RIN3: variants seen among roughly 807,000 people sequenced by gnomAD.
RIN3 encodes Ras and Rab interactor 3, also known as RAB5 interacting protein 3.
A neutral mutation model predicts 76.3 loss-of-function variants in RIN3; 54 were observed. The ratio of observed to expected loss-of-function variants is 0.71; its 90% CI spans 0.57 to 0.89. RIN3 has a LOEUF of 0.89. Among genes scored for constraint, RIN3 ranks in the 40% least tolerant of loss-of-function variants. RIN3 has a pLI of 0.00. For synonymous variants in RIN3, 576 were observed against 564.0 expected (o/e 1.02, Z -0.30); for missense variants, 1,256 against 1,322.1 (o/e 0.95, Z 0.78).
intron 5 of RIN3, among the ~76,000 whole-genome samples, chr14:92,647,554 A>G (rs1887244824): frequency 6.6e-6 from 1 of 152,184 alleles, no homozygotes; most frequent in Non-Finnish European, 1.5e-5. Context: ...TTTACATCAG[A>G]TGATGAGCAT....
intron 8 of RIN3, among the ~76,000 whole-genome samples, chr14:92,678,229 T>C (rs1457942102): frequency 7.6e-6 from 1 of 131,574 alleles, no homozygotes; most frequent in Non-Finnish European, 1.6e-5. Context: ...CACCCATCCA[T>C]CCATGCATCC....
intron 3 of RIN3, among the ~76,000 whole-genome samples, chr14:92,609,071 G>C (rs768676934): frequency 1.3e-5 from 2 of 151,984 alleles, no homozygotes; most frequent in Non-Finnish European, 2.9e-5. Context: ...CCCAAAGTCC[G>C]TTCTATCACT....
rs773491537 is a variant in RIN3 at position 92,652,137 on chromosome 14, C to A, written c.1088C>A (p.Ala363Glu). 5.0e-5 allele frequency: 80 copies of A among 1,607,960 alleles called. No individual in the cohort carries two copies. Among genetic ancestry groups the A allele is most frequent in the Non-Finnish European group, 6.5e-5 (77 of 1,178,718 alleles). Residue 363 changes from alanine (A) to glutamate (E), a missense_variant, in exon 6 of 10, where the codon GCA (alanine) becomes GAA (glutamate). Ala to Glu is a moderately radical substitution (Grantham distance 107). Coordinates refer to ENST00000216487, the MANE Select transcript of RIN3 (RefSeq NM_024832.5). This position sits in a 1 kb window ranked among gnomAD's most constrained non-coding sequence, Gnocchi z 6.4. ...PLREEAMKPG[A>E]ASSPLQQVPA... ...AGGGAGGAAGCGATGAAGCCAGGGG[C>A]AGCCTCCAGTCCCTTGCAGCAGGTC...
chr14:92,627,123 A>T (rs1357265633), intron 4 of RIN3, among the ~76,000 whole-genome samples: 1 of 152,140 alleles, frequency 6.6e-6, no homozygotes, highest in Non-Finnish European at 1.5e-5. Context: ...AGGGGATCTG[A>T]CTATCCCCGT....
At chr14:92,592,071 G>A (rs188905477) in intron 3 of RIN3, among the ~76,000 whole-genome samples, 2 of 152,222 alleles carry the variant, frequency 1.3e-5, no homozygotes, top group Admixed American at 1.3e-4. Flanking sequence ...AATAATACAA[G>A]GAATGGGAGG....
rs1310270588 is a variant in RIN3 at position 92,648,992 on chromosome 14, C to T, written c.533-2590C>T. ...CATGGCACGTGGAGGAAGGAGTGAA[C>T]GGCAGATAGAGTGGAGTGAAGACTC... On this transcript the variant is annotated intron_variant, in intron 5 of 9. Transcript: ENST00000216487. This position sits in a 1 kb window ranked among gnomAD's most constrained non-coding sequence, Gnocchi z 4.1. Among the ~76,000 whole-genome samples, 2 of 152,226 alleles carry T rather than the reference C, an allele frequency of 1.3e-5. No individual in the cohort carries two copies. The highest frequency in any genetic ancestry group is 2.1e-4 in the South Asian group (1 of 4,822).
intron 1 of RIN3, among the ~76,000 whole-genome samples, chr14:92,537,322 C>A (rs1814351232): frequency 6.6e-6 from 1 of 152,144 alleles, no homozygotes; most frequent in South Asian, 2.1e-4. Flanking sequence ...TGTCAGTACA[C>A]AGAAGGTATT....
chr14:92,527,832 A>C, intron 1 of RIN3, among the ~76,000 whole-genome samples: 1 of 152,136 alleles, frequency 6.6e-6, no homozygotes, highest in East Asian at 1.9e-4. Flanking sequence ...TCGAGAGTCC[A>C]TTCCTCTTTG....
intron 3 of RIN3, among the ~76,000 whole-genome samples, chr14:92,579,115 A>T (rs568830164): frequency 6.6e-6 from 1 of 151,994 alleles, no homozygotes; most frequent in South Asian, 2.1e-4. Flanking sequence ...TTTAGTAGAG[A>T]CGGAGTTTCT....
At chr14:92,644,189 C>A (rs1456033521) in intron 5 of RIN3, among the ~76,000 whole-genome samples, 1 of 152,234 alleles carries the variant, frequency 6.6e-6, no homozygotes. Context: ...TGCACCTCCC[C>A]ACCTTCTCTG....
chr14:92,576,398 T>G, intron 2 of RIN3: 1 of 1,289,794 alleles, frequency 7.8e-7, no homozygotes, highest in South Asian at 1.2e-5. Flanking sequence ...ATTTGGTTTC[T>G]AGAGCACAGC....
chr14:92,515,463 ACT>A (rs1023098211), intron 1 of RIN3: 2 of 508,670 alleles, frequency 3.9e-6, no homozygotes, highest in African/African-American at 3.9e-5. Flanking sequence ...GGTTATTTAA[ACT>A]CTCTGTATCT....
At position 92,590,573 on chromosome 14, in the gene RIN3, C is replaced by T. The variant is rs769091406; in HGVS notation, c.367+13096C>T. On this transcript the variant is annotated intron_variant, in intron 3 of 9. Coordinates refer to ENST00000216487, the MANE Select transcript of RIN3 (RefSeq NM_024832.5). Reference sequence around the variant, plus strand: ...CCAGAAGCTGAGCTGATACGAGCACCGTGCTTCCTGTAAAGCCTGCAGAAC... The same window carrying T: ...CCAGAAGCTGAGCTGATACGAGCACTGTGCTTCCTGTAAAGCCTGCAGAAC... Among the ~76,000 whole-genome samples, 55 of 152,302 alleles carry T rather than the reference C, an allele frequency of 3.6e-4. 1 individual carries two copies. The Middle Eastern group carries it at 0.014, about 38-fold the overall frequency.
intron 1 of RIN3, among the ~76,000 whole-genome samples, chr14:92,527,502 G>A (rs1202896185): frequency 6.6e-6 from 1 of 152,100 alleles, no homozygotes; most frequent in Non-Finnish European, 1.5e-5. Flanking sequence ...CTTTTGGGGG[G>A]ATGTGATGGG....
At chr14:92,566,492 G>A (rs1897919260) in intron 2 of RIN3, among the ~76,000 whole-genome samples, 1 of 152,204 alleles carries the variant, frequency 6.6e-6, no homozygotes, top group South Asian at 2.1e-4. Context: ...GGGGGTGAAT[G>A]GCCAAGGAGA....
At chr14:92,531,380 C>T (rs1404573760) in intron 1 of RIN3, among the ~76,000 whole-genome samples, 2 of 152,220 alleles carry the variant, frequency 1.3e-5, no homozygotes, top group Non-Finnish European at 2.9e-5. Flanking sequence ...TGAAAACTCA[C>T]CCACAGCGAC....
In RIN3 at chr14:92,652,258, G is replaced by A; in HGVS notation, c.1209G>A (p.Gly403=). The change falls in exon 6 of 10, where the codon GGG becomes GGA. Residue 403 remains glycine, a synonymous_variant. Transcript: ENST00000216487. The surrounding 1 kb of genome is among the most constrained non-coding windows in gnomAD (Gnocchi z 6.4). The stretch of plus-strand genomic sequence containing the variant: ...TGTCCTTAGAAGACCAAAGTCCGGG[G>A]ATGGCGGCAGAGGGGGACCAGCTCA... ...ERVSLEDQSP[G]MAAEGDQLSL... 2 of 1,611,208 alleles carry A rather than the reference G, an allele frequency of 1.2e-6. No individual in the cohort carries two copies. Among genetic ancestry groups the A allele is most frequent in the Non-Finnish European group, 8.5e-7 (1 of 1,178,134 alleles).
chr14:92,582,003 G>C (rs1332987478), intron 3 of RIN3, among the ~76,000 whole-genome samples: 1 of 152,182 alleles, frequency 6.6e-6, no homozygotes, highest in Non-Finnish European at 1.5e-5. Flanking sequence ...GGATGGTGGA[G>C]GACGAGGAAA....
At chr14:92,607,879 G>C (rs1885585066) in intron 3 of RIN3, among the ~76,000 whole-genome samples, 1 of 152,146 alleles carries the variant, frequency 6.6e-6, no homozygotes. Context: ...GAACAACTTG[G>C]ATGAACCTCA....
Sources: gnomAD v4.1 joint callset for allele counts (sites outside exome capture counted in the v4.1 genomes callset) on GRCh38, gnomAD v4.1.1 for gene constraint, Gnocchi (gnomAD v3.1) non-coding constraint, MANE v1.5 for transcripts, NCBI Gene and HGNC (gene_info 2026-07-23, HGNC 2026-07-21) for gene names.